The following DAB1 variants were observed in gnomAD, a reference collection of about 807,000 sequenced individuals.
DAB1 encodes the protein disabled homolog 1.
A neutral mutation model predicts 64.6 loss-of-function variants in DAB1; 15 were observed. The observed-to-expected ratio is 0.23, with a 90% CI of 0.16 to 0.36. DAB1 has a LOEUF of 0.36. Ranked by LOEUF, DAB1 falls within the 10% of genes least tolerant of loss-of-function variation. The probability of loss-of-function intolerance (pLI) is 1.00; values close to 1 mark genes in which losing one functional copy is unlikely to be tolerated. For missense variants in DAB1, 596 were observed against 706.7 expected (o/e 0.84, Z 1.78); for synonymous variants, 235 against 251.9 (o/e 0.93, Z 0.64).
In DAB1 at chr1:58,342,406, G is replaced by A. The variant is rs145771899; in HGVS notation, n.309+946C>T. The stretch of plus-strand genomic sequence containing the variant: ...GATTTACCATCAATAGGCAATGCCC[G>A]TGGGCTGCAGTGATCAGCAACATCC... On this transcript the variant is annotated intron_variant and non_coding_transcript_variant, in intron 4 of 20. Coordinates refer to the DAB1 transcript ENST00000485760. 6.2e-3 allele frequency among the ~76,000 whole-genome samples: 948 copies of A among 152,276 alleles called. 7 individuals carry two copies. The highest frequency in any genetic ancestry group is 9.7e-3 in the Non-Finnish European group (662 of 68,014).
At chr1:58,276,860 A>T (rs1273562741) in intron 4 of DAB1, among the ~76,000 whole-genome samples, 1 of 151,820 alleles carries the variant, frequency 6.6e-6, no homozygotes, top group Admixed American at 6.6e-5. Flanking sequence ...CATGTAGATC[A>T]CGAGATCATG....
chr1:57,431,520 G>C (rs999414939), intron 7 of DAB1, among the ~76,000 whole-genome samples: 2 of 152,082 alleles, frequency 1.3e-5, no homozygotes, highest in Admixed American at 6.5e-5. Context: ...TCATGATACC[G>C]GCCTTGCTTG....
intron 7 of DAB1, among the ~76,000 whole-genome samples, chr1:57,438,250 G>A (rs968971252): frequency 1.3e-5 from 2 of 151,978 alleles, no homozygotes; most frequent in African/African-American, 4.8e-5. Flanking sequence ...CTGTTTTCCT[G>A]CTAATAATAA....
chr1:58,008,702 C>A (rs1646623897), intron 5 of DAB1, among the ~76,000 whole-genome samples: 1 of 152,108 alleles, frequency 6.6e-6, no homozygotes, highest in Non-Finnish European at 1.5e-5. Flanking sequence ...AAAATTGATT[C>A]CATCTTCCAC....
chr1:57,107,290 G>A (rs1021672883), intron 4 of DAB1, among the ~76,000 whole-genome samples: 12 of 151,130 alleles, frequency 7.9e-5, no homozygotes, highest in African/African-American at 2.2e-4. Flanking sequence ...CAGGAGAATC[G>A]CTTGAACCGG....
At chr1:57,723,761 A>G (rs1256718986) in intron 6 of DAB1, among the ~76,000 whole-genome samples, 2 of 152,148 alleles carry the variant, frequency 1.3e-5, no homozygotes, top group East Asian at 1.9e-4. Flanking sequence ...ATAAACCCAC[A>G]TGGCTTTTTT....
chr1:57,394,691 T>G (rs1425858713), intron 1 of DAB1, among the ~76,000 whole-genome samples: 1 of 152,158 alleles, frequency 6.6e-6, no homozygotes, highest in African/African-American at 2.4e-5. Flanking sequence ...CAGGGAGCAT[T>G]TTCATGTCTA....
intron 6 of DAB1, among the ~76,000 whole-genome samples, chr1:57,680,410 G>A (rs1218160035): frequency 6.6e-6 from 1 of 152,232 alleles, no homozygotes; most frequent in Non-Finnish European, 1.5e-5. Context: ...CTAAAATCAA[G>A]ATGTCAGGAG....
At chr1:58,501,665 T>C (rs1327933424) in intron 3 of DAB1, among the ~76,000 whole-genome samples, 3 of 152,184 alleles carry the variant, frequency 2.0e-5, no homozygotes, top group African/African-American at 7.2e-5. Flanking sequence ...GAAACCTTCT[T>C]TGACTGCTGA....
intron 5 of DAB1, among the ~76,000 whole-genome samples, chr1:58,087,960 T>A (rs1650421454): frequency 6.6e-6 from 1 of 152,226 alleles, no homozygotes; most frequent in African/African-American, 2.4e-5. Context: ...GTGTTCCCAC[T>A]CTGCTGGGGA....
At chr1:57,592,884 G>A (rs1443565935) in intron 7 of DAB1, among the ~76,000 whole-genome samples, 1 of 152,118 alleles carries the variant, frequency 6.6e-6, no homozygotes, top group Non-Finnish European at 1.5e-5. Flanking sequence ...CATGGAGAGA[G>A]CTCTGGTACT....
chr1:58,010,773 G>A (rs990660279), intron 5 of DAB1, among the ~76,000 whole-genome samples: 6 of 152,264 alleles, frequency 3.9e-5, no homozygotes, highest in African/African-American at 1.2e-4. Context: ...TGTACTCCAT[G>A]CCTATTGCAG....
At chr1:57,009,624 A>G (rs1646202261) in intron 14 of DAB1, among the ~76,000 whole-genome samples, 1 of 152,166 alleles carries the variant, frequency 6.6e-6, no homozygotes, top group African/African-American at 2.4e-5. Flanking sequence ...GGTTTTGACC[A>G]TGCTGTTCAG....
chr1:57,918,266 T>C (rs948062014), intron 5 of DAB1, among the ~76,000 whole-genome samples: 1 of 152,104 alleles, frequency 6.6e-6, no homozygotes, highest in Admixed American at 6.6e-5. Flanking sequence ...TCTTAGTCCA[T>C]TTTGTTTTGC....
chr1:58,246,084 C>T (rs1284559082), intron 4 of DAB1, among the ~76,000 whole-genome samples: 5 of 151,378 alleles, frequency 3.3e-5, no homozygotes, highest in Admixed American at 2.0e-4. Flanking sequence ...TATACACTTC[C>T]GTATCGTTTG....
At chr1:57,988,321 C>A (rs1434779838) in intron 5 of DAB1, among the ~76,000 whole-genome samples, 1 of 152,208 alleles carries the variant, frequency 6.6e-6, no homozygotes, top group Non-Finnish European at 1.5e-5. Flanking sequence ...AATTCTGCCC[C>A]CCCACTCACT....
intron 5 of DAB1, among the ~76,000 whole-genome samples, chr1:58,055,041 C>T (rs112291213): frequency 9.2e-5 from 14 of 152,220 alleles, no homozygotes; most frequent in African/African-American, 2.9e-4. Context: ...TATACCATAA[C>T]CCATCTTTTC....
chr1:57,093,798 C>A (rs149485972), intron 4 of DAB1, among the ~76,000 whole-genome samples: 320 of 152,192 alleles, frequency 2.1e-3, no homozygotes, highest in African/African-American at 7.5e-3. Context: ...CCTAGTAAGT[C>A]AGATGAGCTC....
Position 58,090,472 on chromosome 1 carries a change from C to T in DAB1, n.387+60039G>A, listed in dbSNP as rs1003370431. On this transcript the variant is annotated intron_variant and non_coding_transcript_variant, in intron 5 of 20. Coordinates refer to the DAB1 transcript ENST00000485760. ...TTTTTCTCCTCCGGGCCTATCATGC[C>T]AATTCCCTTTTGTTTACCAATTGGC... Among the ~76,000 whole-genome samples, 12 of 152,222 alleles carry T rather than the reference C, an allele frequency of 7.9e-5. No individual in the cohort carries two copies. The East Asian group carries it at 9.7e-4, about 12-fold the overall frequency.
Sources: allele counts gnomAD v4.1 joint callset (sites outside exome capture counted in the v4.1 genomes callset), GRCh38; gene constraint gnomAD v4.1.1; transcripts MANE v1.5; gene names NCBI Gene and HGNC (gene_info 2026-07-23, HGNC 2026-07-21).